Variants in DARS1 observed in about 807,000 individuals in gnomAD.
DARS1 encodes the protein aspartyl-tRNA synthetase 1.
A neutral mutation model predicts 68.8 loss-of-function variants in DARS1; 51 were observed. The ratio of observed to expected loss-of-function variants is 0.74; its 90% CI spans 0.59 to 0.94. The LOEUF is 0.94. DARS1 is among the 40% of genes least tolerant of loss of function. The pLI, the probability that DARS1 is intolerant of heterozygous loss-of-function variation, is 0.00. For synonymous variants in DARS1, 203 were observed against 190.4 expected (o/e 1.07, Z -0.55); for missense variants, 607 against 597.3 (o/e 1.02, Z -0.17).
At chr2:135,934,496 C>T (rs975644691) in intron 5 of DARS1, among the ~76,000 whole-genome samples, 2 of 151,930 alleles carry the variant, frequency 1.3e-5, no homozygotes, top group African/African-American at 4.8e-5. Flanking sequence ...GTGGCACGTG[C>T]CTAAAATCCC....
intron 6 of DARS1, 22 bp from the exon 7 acceptor site, chr2:135,932,864 A>G: frequency 1.8e-6 from 2 of 1,106,870 alleles, no homozygotes; most frequent in Non-Finnish European, 2.7e-6. Flanking sequence ...AAAAAAGAAA[A>G]GAAAAAAATA....
At chr2:135,981,693 G>C (rs1157060926) in intron 2 of DARS1, among the ~76,000 whole-genome samples, 1 of 141,286 alleles carries the variant, frequency 7.1e-6, no homozygotes, top group Non-Finnish European at 1.5e-5. Flanking sequence ...TTTTTTGACA[G>C]GGTCTCACTC....
chr2:135,914,486 G>T lies in DARS1; in HGVS notation c.1132C>A (p.His378Asn). 6.9e-7 allele frequency: 1 copy of T among 1,450,222 alleles called. No homozygotes were observed. The highest frequency in any genetic ancestry group is 1.1e-5 in the South Asian group (1 of 87,744). 89.8% of individuals were successfully genotyped at this position (1,450,222 alleles called of 1,614,324 possible). A position where few individuals can be genotyped will look rare whatever the true frequency, so the allele number is the denominator to read the frequency against. ...LSTPNEKLLG[H>N]LVKEKYDTDF... ...AGTCCTACCTTTTCCTTTACCAAATGACCCAACAGCTTTTCATTTGGTGTG... is the reference window on the plus strand; with the variant it reads ...AGTCCTACCTTTTCCTTTACCAAATTACCCAACAGCTTTTCATTTGGTGTG... Residue 378 changes from histidine (H) to asparagine (N), a missense_variant, in exon 12 of 16, where the codon CAT (histidine) becomes AAT (asparagine). Transcript: ENST00000264161.
chr2:135,918,914 TATAAAA>T (rs1489239306), intron 10 of DARS1, among the ~76,000 whole-genome samples: 1 of 152,124 alleles, frequency 6.6e-6, no homozygotes, highest in African/African-American at 2.4e-5. Flanking sequence ...AGAACAAAGA[TATAAAA>T]AGAAAAAGGC....
At chr2:135,976,039 A>G (rs1223362544) in intron 3 of DARS1, among the ~76,000 whole-genome samples, 1 of 152,228 alleles carries the variant, frequency 6.6e-6, no homozygotes, top group East Asian at 1.9e-4. Context: ...ATAATGCTTG[A>G]GTATTTAACA....
rs1460572809 is a variant in DARS1 at position 135,944,544 on chromosome 2, T to C, written c.321-1064A>G. ...GTTTATGTCACTTGGCTACACTGCC[T>C]AGAAATCTTTATGTCTGTTACCAAC... On this transcript the variant is annotated intron_variant, in intron 4 of 15. Coordinates refer to ENST00000264161, the MANE Select transcript of DARS1 (RefSeq NM_001349.4). 3.3e-5 allele frequency among the ~76,000 whole-genome samples: 5 copies of C among 152,026 alleles called. No individual in the cohort carries two copies. In the East Asian group the frequency reaches 9.6e-4, roughly 29 times the overall value.
In DARS1 at chr2:135,943,350, T is replaced by C. The variant is rs770091221; in HGVS notation, c.423+28A>G. On this transcript the variant is annotated intron_variant, in intron 5 of 15. Coordinates refer to ENST00000264161, the MANE Select transcript of DARS1 (RefSeq NM_001349.4). ...ATTAGAACCCAAATCTATTTCTATA[T>C]GCGATTTTATATTTTGAAAAAACTT... 7.5e-6 allele frequency: 12 copies of C among 1,600,970 alleles called. No homozygotes were observed. In the African/African-American group the frequency reaches 9.4e-5, roughly 13 times the overall value.
Position 135,906,896 on chromosome 2 carries a change from A to T in DARS1, c.*420T>A, listed in dbSNP as rs1680792905. On this transcript the variant is annotated 3_prime_UTR_variant, in exon 16 of 16. Transcript: ENST00000264161. ...GAATTATTCTTATCTCAATGACAGA[A>T]TTTAAAAAAATAAGTTCAAATACTG... The T allele has an allele frequency of 6.5e-6, 1 of 152,784 alleles. No homozygotes were observed. Among genetic ancestry groups the T allele is most frequent in the Non-Finnish European group, 1.5e-5 (1 of 68,168 alleles). 9.5% of individuals were successfully genotyped at this position (152,784 alleles called of 1,614,324 possible). A position where few individuals can be genotyped will look rare whatever the true frequency, so the allele number is the denominator to read the frequency against.
intron 9 of DARS1, among the ~76,000 whole-genome samples, chr2:135,921,319 C>T (rs888205836): frequency 5.9e-5 from 9 of 151,696 alleles, no homozygotes; most frequent in Non-Finnish European, 1.2e-4. Flanking sequence ...GTAAGTTAAT[C>T]CTAACCTATA....
At chr2:135,944,185 T>C (rs1248415036) in intron 4 of DARS1, among the ~76,000 whole-genome samples, 2 of 152,194 alleles carry the variant, frequency 1.3e-5, no homozygotes, top group African/African-American at 4.8e-5. Context: ...TTAAACACAA[T>C]GATTATTTTT....
chr2:135,960,559 C>G (rs1386370685), intron 4 of DARS1, among the ~76,000 whole-genome samples: 3 of 152,130 alleles, frequency 2.0e-5, no homozygotes, highest in Non-Finnish European at 2.9e-5. Flanking sequence ...ATCATTTACT[C>G]TGATTGAATT....
chr2:135,938,949 A>C (rs1281481834), intron 5 of DARS1, among the ~76,000 whole-genome samples: 2 of 152,218 alleles, frequency 1.3e-5, no homozygotes, highest in African/African-American at 4.8e-5. Flanking sequence ...TCAATTCAAC[A>C]AGAAGAGCTA....
At chr2:135,967,603 A>T (rs983102180) in intron 3 of DARS1, among the ~76,000 whole-genome samples, 5 of 152,206 alleles carry the variant, frequency 3.3e-5, no homozygotes, top group Admixed American at 2.6e-4. Context: ...TTTTCATTTT[A>T]AAAAATGTCT....
At chr2:135,912,430 G>T in intron 13 of DARS1, 56 bp downstream of exon 13, 1 of 719,690 alleles carries the variant, frequency 1.4e-6, no homozygotes, top group South Asian at 1.6e-5. Flanking sequence ...ATCTGACAGT[G>T]ACAATAAAAT....
chr2:135,969,788 A>C (rs1682325815), intron 3 of DARS1, among the ~76,000 whole-genome samples: 2 of 152,218 alleles, frequency 1.3e-5, no homozygotes, highest in Non-Finnish European at 2.9e-5. Context: ...GAATTAGGGC[A>C]TACTGAATCA....
intron 3 of DARS1, among the ~76,000 whole-genome samples, chr2:135,971,838 C>G (rs888188553): frequency 6.6e-6 from 1 of 151,840 alleles, no homozygotes; most frequent in Non-Finnish European, 1.5e-5. Flanking sequence ...AAAGTAATCC[C>G]ACATACAATA....
At position 135,911,475 on chromosome 2, in the gene DARS1, C is replaced by A; in HGVS notation, c.1249G>T (p.Asp417Tyr). The change falls in exon 14 of 16, where the codon GAT becomes TAT. Residue 417 changes from aspartate (D) to tyrosine (Y), a missense_variant. Transcript: ENST00000264161. ...ATTTCTTCTCCTCTCATGAACATAT[C>A]GTAAGAGTTGGACTGTTTCTGCAAG... Reference protein sequence around the residue: ...PRNPKQSNSYDMFMRGEEILS... With the variant: ...PRNPKQSNSYYMFMRGEEILS... The A allele has an allele frequency of 1.0e-6, 1 of 997,952 alleles. No individual in the cohort carries two copies. The highest frequency in any genetic ancestry group is 1.3e-5 in the South Asian group (1 of 78,764). 61.8% of individuals were successfully genotyped at this position (997,952 alleles called of 1,614,324 possible). A position where few individuals can be genotyped will look rare whatever the true frequency, so the allele number is the denominator to read the frequency against.
Position 135,961,479 on chromosome 2 carries a change from G to T in DARS1, c.237C>A (p.Val79=). The change falls in exon 4 of 16, where the codon GTC becomes GTA. Residue 79 remains valine, a synonymous_variant. Coordinates refer to ENST00000264161, the MANE Select transcript of DARS1 (RefSeq NM_001349.4). ...GGACATTAAACTGCTGCTGACGTAG[G>T]ACTAAGAAGCACTGTTTCCCTGAAA... is the stretch of plus-strand genomic sequence containing the variant. ...SRAKGKQCFL[V]LRQQQFNVQA... 1 of 1,491,272 alleles carries T rather than the reference G, an allele frequency of 6.7e-7. No homozygotes were observed. The highest frequency in any genetic ancestry group is 9.4e-7 in the Non-Finnish European group (1 of 1,067,770). The allele number at this position is 1,491,272 out of a possible 1,614,324, so 92.4% of individuals were successfully genotyped here.
rs943732804 is a variant in DARS1 at position 135,906,133 on chromosome 2, G to A, written c.*1183C>T. Among the ~76,000 whole-genome samples the A allele has an allele frequency of 6.6e-6, 1 of 152,132 alleles. No homozygotes were observed. The highest frequency in any genetic ancestry group is 6.5e-5 in the Admixed American group (1 of 15,280). ...TTTCAAAGACTGTACAATATAGATGGTAAACACCCCCTTTAACTTTCAAAC... is the reference window on the plus strand; with the variant it reads ...TTTCAAAGACTGTACAATATAGATGATAAACACCCCCTTTAACTTTCAAAC... On this transcript the variant is annotated 3_prime_UTR_variant, in exon 16 of 16. Coordinates refer to ENST00000264161, the MANE Select transcript of DARS1 (RefSeq NM_001349.4).
Sources: gnomAD v4.1 joint callset for allele counts (sites outside exome capture counted in the v4.1 genomes callset) on GRCh38, gnomAD v4.1.1 for gene constraint, MANE v1.5 for transcripts, NCBI Gene and HGNC (gene_info 2026-07-23, HGNC 2026-07-21) for gene names.